Variants in SHOC1 observed in about 807,000 individuals in gnomAD.
The protein encoded by SHOC1 is protein shortage in chiasmata 1 ortholog.
SHOC1 carries 136 observed loss-of-function variants against 179.2 expected under a neutral mutation model. The observed-to-expected ratio is 0.76, with a 90% CI of 0.66 to 0.87. The LOEUF (loss-of-function observed/expected upper bound fraction) is 0.87. Ranked by LOEUF, SHOC1 falls within the 40% of genes least tolerant of loss-of-function variation. The probability of loss-of-function intolerance (pLI) is 0.00; values close to 1 mark genes in which losing one functional copy is unlikely to be tolerated. For missense variants in SHOC1, 1,538 were observed against 1,700.8 expected, an observed-to-expected ratio of 0.90 and a Z score of 1.68; for synonymous variants, 489 against 586.6, an observed-to-expected ratio of 0.83 and a Z score of 2.41.
At chr9:111,785,109 C>T (rs1369356991) in intron 3 of SHOC1, among the ~76,000 whole-genome samples, 1 of 152,156 alleles carries the variant, frequency 6.6e-6, no homozygotes, top group Non-Finnish European at 1.5e-5. Flanking sequence ...ACATCAAGTT[C>T]GTTCTTGAGT....
chr9:111,699,916 A>T (rs1405715750), intron 24 of SHOC1, 38 bp downstream of exon 24: 12 of 1,433,604 alleles, frequency 8.4e-6, no homozygotes, highest in Non-Finnish European at 1.2e-5. Flanking sequence ...TTTGGTTTAT[A>T]AAAAATACTT....
At chr9:111,738,153 A>T in intron 12 of SHOC1, 127 bp downstream of exon 12, 1 of 734,608 alleles carries the variant, frequency 1.4e-6, no homozygotes. Context: ...AAATTCTGGC[A>T]GAGCCAGGGC....
Position 111,785,992 on chromosome 9 carries a change from C to T in SHOC1, c.89G>A (p.Arg30Gln), listed in dbSNP as rs765218915. ...ATCTTGATATAAACATGAAGGGATT[C>T]GAAGCAATAAAGCATCTCTGTAAAA... ...KKFYRDALLL[R>Q]IPSCLYQDES... Residue 30 changes from arginine to glutamine, a missense_variant, in exon 3 of 28, where the codon CGA becomes CAA. Coordinates refer to ENST00000682961, the MANE Select transcript of SHOC1 (RefSeq NM_001378211.1). 44 of 1,521,402 alleles carry T rather than the reference C, an allele frequency of 2.9e-5. No homozygotes were observed. Among genetic ancestry groups the T allele is most frequent in the Admixed American group, 4.4e-5 (2 of 45,698 alleles). 94.2% of individuals were successfully genotyped at this position (1,521,402 alleles called of 1,614,324 possible). A position where few individuals can be genotyped will look rare whatever the true frequency, so the allele number is the denominator to read the frequency against.
intron 4 of SHOC1, among the ~76,000 whole-genome samples, chr9:111,777,280 A>C (rs1484853772): frequency 6.6e-6 from 1 of 152,198 alleles, no homozygotes; most frequent in Non-Finnish European, 1.5e-5. Context: ...CATGACTCCT[A>C]AACCAAAATT....
rs775430939 is a variant in SHOC1, at chr9:111,758,721, C to T, written c.570G>A (p.Gln190=). The T allele has an allele frequency of 1.3e-6, 2 of 1,587,560 alleles. No homozygotes were observed. Among genetic ancestry groups the T allele is most frequent in the Non-Finnish European group, 1.7e-6 (2 of 1,172,858 alleles). ...VKDPLLDFKG[Q]IFTEANFSRE... is the part of the protein sequence containing the mutation. Reference sequence around the variant, plus strand: ...TGGAAAAATTAGCTTCTGTGAAGATCTGTCCTTTGAAATCTAAAAGAGGAT... The same window carrying T: ...TGGAAAAATTAGCTTCTGTGAAGATTTGTCCTTTGAAATCTAAAAGAGGAT... The change falls in exon 6 of 28, where the codon CAG becomes CAA. Residue 190 remains glutamine, a synonymous_variant. Coordinates refer to ENST00000682961, the MANE Select transcript of SHOC1 (RefSeq NM_001378211.1).
Position 111,692,104 on chromosome 9 carries a change from C to T in SHOC1, c.3873G>A (p.Glu1291=). Residue 1291 remains glutamate, a synonymous_variant, in exon 27 of 28, where the codon GAG becomes GAA. Transcript: ENST00000682961. ...YNSFLNHSDS[E]SDVFSLGLTQ... is the part of the protein sequence containing the mutation. ...TTAGACCCAAAGAAAAGACATCTGACTCTGAATCACTGTGGTTTAGAAAGG... is the reference window on the plus strand; with the variant it reads ...TTAGACCCAAAGAAAAGACATCTGATTCTGAATCACTGTGGTTTAGAAAGG... 1 of 1,613,844 alleles carries T rather than the reference C, an allele frequency of 6.2e-7. No homozygotes were observed. The highest frequency in any genetic ancestry group is 8.5e-7 in the Non-Finnish European group (1 of 1,179,814).
chr9:111,688,414 C>A (rs1831279670), intron 27 of SHOC1, among the ~76,000 whole-genome samples: 1 of 151,996 alleles, frequency 6.6e-6, no homozygotes, highest in Non-Finnish European at 1.5e-5. Flanking sequence ...ATATTAGTAT[C>A]CACATGTGCA....
intron 9 of SHOC1, among the ~76,000 whole-genome samples, 171 bp from the exon 10 acceptor site, chr9:111,746,513 T>G (rs2131521003): frequency 6.6e-6 from 1 of 152,110 alleles, no homozygotes; most frequent in Admixed American, 6.6e-5. Context: ...CTACAAAAAG[T>G]ACAAAATTAG....
chr9:111,725,379 A>G (rs978839424), intron 13 of SHOC1, among the ~76,000 whole-genome samples: 19 of 152,166 alleles, frequency 1.2e-4, no homozygotes, highest in African/African-American at 4.6e-4. Context: ...GATCTATTAA[A>G]GGCTAAGTTG....
intron 5 of SHOC1, among the ~76,000 whole-genome samples, chr9:111,764,073 G>A (rs1835253907): frequency 6.6e-6 from 1 of 152,132 alleles, no homozygotes; most frequent in African/African-American, 2.4e-5. Flanking sequence ...AAATTGCACG[G>A]TGTTGTGAGT....
intron 8 of SHOC1, among the ~76,000 whole-genome samples, chr9:111,754,046 C>T (rs1002240000): frequency 1.3e-5 from 2 of 152,120 alleles, no homozygotes; most frequent in Admixed American, 6.6e-5. Context: ...TAAATATTCT[C>T]ATCACATACA....
chr9:111,737,329 A>C (rs909184990), intron 12 of SHOC1, among the ~76,000 whole-genome samples: 6 of 152,198 alleles, frequency 3.9e-5, no homozygotes, highest in Non-Finnish European at 7.3e-5. Context: ...AATTTCTAAA[A>C]TTTATTTCTA....
chr9:111,710,253 A>C (rs903905477), intron 18 of SHOC1, among the ~76,000 whole-genome samples: 6 of 152,166 alleles, frequency 3.9e-5, no homozygotes, highest in African/African-American at 9.6e-5. Flanking sequence ...AAACTGAATG[A>C]AATAATAAGA....
chr9:111,703,452 T>C (rs954333421), intron 22 of SHOC1, among the ~76,000 whole-genome samples: 80 of 152,190 alleles, frequency 5.3e-4, no homozygotes, highest in Non-Finnish European at 1.9e-4. Context: ...AGAAATTCTC[T>C]TTCTAAAAAC....
chr9:111,691,622 G>A lies in SHOC1; in HGVS notation c.4355C>T (p.Ala1452Val). 3 of 1,613,796 alleles carry A rather than the reference G, an allele frequency of 1.9e-6. No individual in the cohort carries two copies. Among genetic ancestry groups the A allele is most frequent in the Non-Finnish European group, 2.5e-6 (3 of 1,179,902 alleles). ...EFNSLYFYQR[A>V]GKSLGQKRHH... The stretch of plus-strand genomic sequence containing the variant: ...CCTTTTCTGTCCTAAACTTTTTCCA[G>A]CTCTTTGGTAGAAATAAAGGCTGTT... The change falls in exon 27 of 28, where the codon GCT becomes GTT. Residue 1452 changes from alanine to valine, a missense_variant. Transcript: ENST00000682961.
At chr9:111,708,431 G>A (rs991643772) in intron 18 of SHOC1, among the ~76,000 whole-genome samples, 1 of 151,976 alleles carries the variant, frequency 6.6e-6, no homozygotes, top group African/African-American at 2.4e-5. Context: ...TTAAACTCCT[G>A]ACCTCAAGTG....
intron 13 of SHOC1, among the ~76,000 whole-genome samples, chr9:111,724,838 C>A (rs1833227130): frequency 6.6e-6 from 1 of 152,192 alleles, no homozygotes; most frequent in Admixed American, 6.5e-5. Context: ...ATCTGACCTA[C>A]TTTATTATAC....
chr9:111,688,354 TTA>T (rs1831276893), intron 27 of SHOC1, among the ~76,000 whole-genome samples: 1 of 152,174 alleles, frequency 6.6e-6, no homozygotes, highest in African/African-American at 2.4e-5. Flanking sequence ...TAACTCCAAT[TTA>T]TTATCCATAT....
At chr9:111,741,370 T>C in intron 11 of SHOC1, 106 bp downstream of exon 11, 2 of 611,252 alleles carry the variant, frequency 3.3e-6, no homozygotes, top group Middle Eastern at 3.8e-4. Context: ...CGAAGTTATA[T>C]ATTCTGTTAA....
Sources: gnomAD v4.1 joint callset for allele counts (sites outside exome capture counted in the v4.1 genomes callset) on GRCh38, gnomAD v4.1.1 for gene constraint, MANE v1.5 for transcripts, NCBI Gene and HGNC (gene_info 2026-07-23, HGNC 2026-07-21) for gene names.